Variants in PRORP observed in about 807,000 individuals in gnomAD.
PRORP encodes the protein protein only RNase P catalytic subunit.
PRORP carries 51 observed loss-of-function variants against 59.4 expected under a neutral mutation model. The observed-to-expected ratio is 0.86, with a 90% CI of 0.69 to 1.08. PRORP has a LOEUF of 1.08. PRORP is among the 50% of genes least tolerant of loss of function. The pLI, the probability that PRORP is intolerant of heterozygous loss-of-function variation, is 0.00. For missense variants in PRORP, 646 were observed against 690.3 expected (o/e 0.94, Z 0.72); for synonymous variants, 231 against 245.6 (o/e 0.94, Z 0.55).
At chr14:35,241,217 A>C (rs1327031902) in intron 5 of PRORP, among the ~76,000 whole-genome samples, 1 of 152,060 alleles carries the variant, frequency 6.6e-6, no homozygotes, top group East Asian at 1.9e-4. Context: ...GTCTCTACTA[A>C]AAATACAAAA....
At chr14:35,158,203 G>C in intron 4 of PRORP, 1 of 267,700 alleles carries the variant, frequency 3.7e-6, no homozygotes, top group Non-Finnish European at 7.5e-6. Flanking sequence ...TGTGCCAGAA[G>C]GCTCTTAGTA....
At chr14:35,127,335 A>T (rs934782115) in intron 3 of PRORP, 144 bp from the exon 4 acceptor site, 8 of 579,198 alleles carry the variant, frequency 1.4e-5, no homozygotes, top group Admixed American at 4.1e-5. Flanking sequence ...GTTTACAAAA[A>T]ATTAGATGTA....
chr14:35,184,014 G>A (rs2048682951), intron 5 of PRORP, among the ~76,000 whole-genome samples: 1 of 152,046 alleles, frequency 6.6e-6, no homozygotes, highest in Admixed American at 6.6e-5. Context: ...TCTTTGAAGA[G>A]ATTTCCAGAC....
At chr14:35,175,435 C>G (rs926467558) in intron 4 of PRORP, among the ~76,000 whole-genome samples, 31 of 152,196 alleles carry the variant, frequency 2.0e-4, no homozygotes, top group African/African-American at 6.7e-4. Flanking sequence ...GATCGCCATT[C>G]TAACTGGTGT....
At chr14:35,272,643 A>C (rs2051222331) in intron 7 of PRORP, among the ~76,000 whole-genome samples, 1 of 152,220 alleles carries the variant, frequency 6.6e-6, no homozygotes, top group Non-Finnish European at 1.5e-5. Context: ...TTACAGAAGA[A>C]ATTACATATC....
chr14:35,174,750 C>CTTT (rs113505782), intron 4 of PRORP, among the ~76,000 whole-genome samples: 7 of 132,312 alleles, frequency 5.3e-5, no homozygotes, highest in Non-Finnish European at 1.6e-5. Context: ...TTTTTTTTTT[C>CTTT]TTTTTTTTTT....
chr14:35,185,237 C>T (rs1164579243), intron 5 of PRORP, among the ~76,000 whole-genome samples: 2 of 152,144 alleles, frequency 1.3e-5, no homozygotes, highest in African/African-American at 2.4e-5. Flanking sequence ...GAAATGGTAT[C>T]TCACTGTGGT....
chr14:35,263,625 T>C (rs1267968298), intron 5 of PRORP, among the ~76,000 whole-genome samples: 2 of 152,018 alleles, frequency 1.3e-5, no homozygotes, highest in Non-Finnish European at 2.9e-5. Context: ...GAGGCAGAGG[T>C]TGCAGTGAAC....
intron 5 of PRORP, among the ~76,000 whole-genome samples, chr14:35,256,604 A>G (rs1193227190): frequency 6.6e-6 from 1 of 151,972 alleles, no homozygotes; most frequent in Non-Finnish European, 1.5e-5. Context: ...TGCTGGGACT[A>G]CAGGCGTGAG....
chr14:35,231,345 T>C (rs1330585543), intron 5 of PRORP, among the ~76,000 whole-genome samples: 1 of 152,194 alleles, frequency 6.6e-6, no homozygotes, highest in East Asian at 1.9e-4. Flanking sequence ...ATTACCAGTT[T>C]TTATTTTTCA....
intron 5 of PRORP, among the ~76,000 whole-genome samples, chr14:35,203,198 G>T (rs1009408751): frequency 1.3e-5 from 2 of 152,084 alleles, no homozygotes; most frequent in Non-Finnish European, 1.5e-5. Flanking sequence ...CAAAAGTTTT[G>T]ATTATTTTGC....
intron 4 of PRORP, among the ~76,000 whole-genome samples, chr14:35,128,906 C>T (rs952660880): frequency 6.6e-6 from 1 of 151,820 alleles, no homozygotes; most frequent in Non-Finnish European, 1.5e-5. Flanking sequence ...TTCTTTAAGA[C>T]GCATATTTGG....
intron 5 of PRORP, among the ~76,000 whole-genome samples, chr14:35,248,674 T>C (rs1235754046): frequency 6.6e-6 from 1 of 152,168 alleles, no homozygotes; most frequent in Non-Finnish European, 1.5e-5. Context: ...AGCCACAACT[T>C]TGTTAGGTTT....
At chr14:35,164,287 G>C (rs2048129467) in intron 4 of PRORP, among the ~76,000 whole-genome samples, 1 of 152,162 alleles carries the variant, frequency 6.6e-6, no homozygotes, top group Non-Finnish European at 1.5e-5. Flanking sequence ...CCACTGCTGG[G>C]TGTATACCCA....
chr14:35,270,389 T>C lies in PRORP; in HGVS notation c.1425-12T>C. 6.2e-7 allele frequency: 1 copy of C among 1,610,486 alleles called. No homozygotes were observed. Among genetic ancestry groups the C allele is most frequent in the Non-Finnish European group, 8.5e-7 (1 of 1,177,638 alleles). On this transcript the variant is annotated splice_polypyrimidine_tract_variant and intron_variant, in intron 6 of 7. Transcript: ENST00000534898. ...CTGTGCTTGATTGTGTCCTTTCTTA[T>C]GCCTGGTTCAGCTCGGAGGATGATC... is the stretch of plus-strand genomic sequence containing the variant.
chr14:35,127,952 A>G (rs1412378056), intron 4 of PRORP, among the ~76,000 whole-genome samples: 1 of 152,248 alleles, frequency 6.6e-6, no homozygotes, highest in African/African-American at 2.4e-5. Flanking sequence ...ACTGGGGCAT[A>G]ATAAGTGCAC....
At chr14:35,253,414 A>AG (rs2050668853) in intron 5 of PRORP, among the ~76,000 whole-genome samples, 1 of 129,724 alleles carries the variant, frequency 7.7e-6, no homozygotes, top group Non-Finnish European at 1.6e-5. Flanking sequence ...GAAAGAAAGA[A>AG]AAAAAGAAAA....
intron 5 of PRORP, among the ~76,000 whole-genome samples, chr14:35,251,201 G>A (rs561880006): frequency 5.9e-5 from 9 of 152,160 alleles, no homozygotes; most frequent in Admixed American, 1.3e-4. Context: ...CCATTAATTC[G>A]TTCCTTTTTA....
intron 5 of PRORP, among the ~76,000 whole-genome samples, chr14:35,217,984 C>G (rs1438617551): frequency 1.3e-5 from 2 of 152,138 alleles, no homozygotes; most frequent in Non-Finnish European, 1.5e-5. Flanking sequence ...AAGAAGCCAG[C>G]AGAGATTTTG....
Sources: gnomAD v4.1 joint callset for allele counts (sites outside exome capture counted in the v4.1 genomes callset) on GRCh38, gnomAD v4.1.1 for gene constraint, MANE v1.5 for transcripts, NCBI Gene and HGNC (gene_info 2026-07-23, HGNC 2026-07-21) for gene names.